The following KIF21B variants were observed in gnomAD, a reference collection of about 807,000 sequenced individuals.
KIF21B encodes kinesin family member 21B.
KIF21B carries 85 observed loss-of-function variants against 192.9 expected under a neutral mutation model. The ratio of observed to expected loss-of-function variants is 0.44; its 90% CI spans 0.37 to 0.53. KIF21B has a LOEUF of 0.53. Among genes scored for constraint, KIF21B ranks in the 20% least tolerant of loss-of-function variants. KIF21B has a pLI of 0.00. For synonymous variants in KIF21B, 832 were observed against 884.6 expected (o/e 0.94, Z 1.05); for missense variants, 1,716 against 2,194.8 (o/e 0.78, Z 4.36).
At chr1:201,021,489 C>T (rs114156979) in intron 1 of KIF21B, among the ~76,000 whole-genome samples, 6,237 of 152,304 alleles carry the variant, frequency 0.041, 218 homozygotes, top group Non-Finnish European at 0.065. Flanking sequence ...TGACTGGGAA[C>T]CAGAGATGAC....
At chr1:200,977,922 C>T (rs912884842) in intron 30 of KIF21B, among the ~76,000 whole-genome samples, 9 of 151,054 alleles carry the variant, frequency 6.0e-5, no homozygotes, top group African/African-American at 2.2e-4. Context: ...TTAGTAGAGA[C>T]GGGGTTTCTT....
chr1:200,980,547 C>G (rs1373537997), intron 29 of KIF21B, among the ~76,000 whole-genome samples: 1 of 152,208 alleles, frequency 6.6e-6, no homozygotes, highest in African/African-American at 2.4e-5. Context: ...CCACTGTGCC[C>G]AGCCTATCTG....
In KIF21B at chr1:201,007,865, C is replaced by T. The variant is rs552828921; in HGVS notation, c.447+904G>A. 3.4e-3 allele frequency among the ~76,000 whole-genome samples: 514 copies of T among 152,294 alleles called. 3 individuals are homozygous for T. Among genetic ancestry groups the T allele is most frequent in the African/African-American group, 0.011 (477 of 41,556 alleles). On this transcript the variant is annotated intron_variant, in intron 3 of 34. Transcript: ENST00000461742. ...CATACAGACAGATGACACACACACACAGATACAAACACACAGTCATACACA... is the reference window on the plus strand; with the variant it reads ...CATACAGACAGATGACACACACACATAGATACAAACACACAGTCATACACA...
intron 1 of KIF21B, among the ~76,000 whole-genome samples, chr1:201,011,361 G>A (rs932728998): frequency 6.6e-6 from 1 of 152,244 alleles, no homozygotes; most frequent in Non-Finnish European, 1.5e-5. Context: ...GGGAGGTGAC[G>A]ATTATGACCC....
chr1:201,010,244 C>T (rs567986529), intron 1 of KIF21B, among the ~76,000 whole-genome samples: 5 of 152,250 alleles, frequency 3.3e-5, no homozygotes, highest in African/African-American at 1.2e-4. Flanking sequence ...GGAGGGCAGA[C>T]CTGCATAGCT....
At chr1:201,007,709 C>T (rs530139301) in intron 3 of KIF21B, among the ~76,000 whole-genome samples, 9 of 151,322 alleles carry the variant, frequency 5.9e-5, no homozygotes, top group Middle Eastern at 3.4e-3. Context: ...CAGATGCGCA[C>T]ACAGACACAT....
At chr1:201,019,549 C>G (rs969397416) in intron 1 of KIF21B, among the ~76,000 whole-genome samples, 18 of 152,172 alleles carry the variant, frequency 1.2e-4, no homozygotes, top group Non-Finnish European at 2.2e-4. Context: ...TGGCCCAGGC[C>G]TGGGCCCCGC....
chr1:201,004,984 C>A, intron 5 of KIF21B, 51 bp from the exon 6 acceptor site: 1 of 1,563,976 alleles, frequency 6.4e-7, no homozygotes, highest in South Asian at 1.2e-5. Context: ...ACCTCACTGG[C>A]TCCCCTGATC....
At chr1:200,992,500 G>A in intron 15 of KIF21B, 111 bp from the exon 16 acceptor site, 1 of 1,077,784 alleles carries the variant, frequency 9.3e-7, no homozygotes, top group Non-Finnish European at 1.4e-6. Flanking sequence ...TGGCTAGCCA[G>A]GCAACACTGG....
At chr1:200,974,119 C>G in intron 34 of KIF21B, 2 of 1,607,274 alleles carry the variant, frequency 1.2e-6, no homozygotes, top group Non-Finnish European at 1.7e-6. Context: ...TGGCGCGGCC[C>G]TTTATGGCCA....
Position 201,004,402 on chromosome 1 carries a change from C to T in KIF21B, c.954G>A (p.Val318=). 1 of 1,582,882 alleles carries T rather than the reference C, an allele frequency of 6.3e-7. No homozygotes were observed. The change falls in exon 7 of 35, where the codon GTG becomes GTA. Residue 318 remains valine, a synonymous_variant. Transcript: ENST00000461742. The part of the protein sequence containing the change: ...SALGDQSKKV[V]HVPYRDSKLT... ...GCTTGGAGTCCCTGTAGGGAACGTG[C>T]ACCACCTTCTTGCTCTGGTCCCCTA...
At chr1:201,003,536 G>T in intron 8 of KIF21B, 50 bp downstream of exon 8, 1 of 1,587,330 alleles carries the variant, frequency 6.3e-7, no homozygotes, top group South Asian at 1.1e-5. Flanking sequence ...GGTGCATATG[G>T]AGCACTAGCT....
intron 27 of KIF21B, among the ~76,000 whole-genome samples, chr1:200,983,337 G>A (rs983257982): frequency 3.3e-5 from 5 of 152,126 alleles, no homozygotes; most frequent in Admixed American, 6.5e-5. Context: ...AGGGAGGAGC[G>A]AGGAGGGGGC....
In KIF21B at chr1:200,998,912, G is replaced by C. The variant is rs972542834; in HGVS notation, c.1886-337C>G. 2.0e-5 allele frequency among the ~76,000 whole-genome samples: 3 copies of C among 152,182 alleles called. No homozygotes were observed. The highest frequency in any genetic ancestry group is 2.0e-4 in the Admixed American group (3 of 15,282). On this transcript the variant is annotated intron_variant, in intron 13 of 34. Coordinates refer to ENST00000461742, the MANE Select transcript of KIF21B (RefSeq NM_001252102.2). The surrounding 1 kb of genome is among the most constrained non-coding windows in gnomAD (Gnocchi z 4.3). ...GTGAGATGGCTGAGAGCAACTTACA[G>C]GGCTAGGGCCAGGGCTGGCAGCAGG... is the stretch of plus-strand genomic sequence containing the variant.
Position 201,000,672 on chromosome 1 carries a change from C to T in KIF21B, c.1466+45G>A. 1 of 1,613,672 alleles carries T rather than the reference C, an allele frequency of 6.2e-7. No individual in the cohort carries two copies. The highest frequency in any genetic ancestry group is 8.5e-7 in the Non-Finnish European group (1 of 1,179,782). On this transcript the variant is annotated intron_variant, in intron 10 of 34. Transcript: ENST00000461742. This position sits in a 1 kb window ranked among gnomAD's most constrained non-coding sequence, Gnocchi z 6.0. Reference sequence around the variant, plus strand: ...GCCACAGCCCTTGGCGTCACCTGGCCGAGGCCCCCAGCCCGCGCACACCTG... The same window carrying T: ...GCCACAGCCCTTGGCGTCACCTGGCTGAGGCCCCCAGCCCGCGCACACCTG...
In KIF21B at chr1:200,976,862, T is replaced by C. The variant is rs773873351; in HGVS notation, c.4357A>G (p.Ile1453Val). 5 of 1,612,662 alleles carry C rather than the reference T, an allele frequency of 3.1e-6. No individual in the cohort carries two copies. The highest frequency in any genetic ancestry group is 2.2e-5 in the East Asian group (1 of 44,834). Reference protein sequence around the residue: ...FQPVGKLTGHIGPVMCLTVTQ... With the variant: ...FQPVGKLTGHVGPVMCLTVTQ... ...ACCGTCAGGCACATCACAGGGCCGA[T>C]GTGGCCAGTCAGCTTGCCGACAGGC... The change falls in exon 32 of 35, where the codon ATC becomes GTC. Residue 1453 changes from isoleucine to valine, a missense_variant. This residue lies in a region of KIF21B where 580 missense variants were observed against 775.5 expected (regional missense o/e 0.75). Transcript: ENST00000461742.
intron 1 of KIF21B, among the ~76,000 whole-genome samples, chr1:201,019,785 C>A (rs1304613848): frequency 6.6e-6 from 1 of 152,096 alleles, no homozygotes; most frequent in African/African-American, 2.4e-5. Context: ...AAACTGGACA[C>A]AGGTGGCATT....
intron 1 of KIF21B, among the ~76,000 whole-genome samples, chr1:201,013,719 T>TGAG (rs1409225202): frequency 9.2e-5 from 14 of 152,256 alleles, no homozygotes; most frequent in African/African-American, 3.4e-4. Context: ...AGGACTAGGG[T>TGAG]GAGGCATTGA....
chr1:200,986,375 T>TG (rs397939949), intron 26 of KIF21B, among the ~76,000 whole-genome samples: 3 of 151,360 alleles, frequency 2.0e-5, no homozygotes, highest in African/African-American at 7.3e-5. Flanking sequence ...TTTTTTTTTT[T>TG]GAGACAGAGT....
Sources: gnomAD v4.1 joint callset for allele counts (sites outside exome capture counted in the v4.1 genomes callset) on GRCh38, gnomAD v4.1.1 for gene constraint, gnomAD v4.1.1 regional missense constraint, Gnocchi (gnomAD v3.1) non-coding constraint, MANE v1.5 for transcripts, NCBI Gene and HGNC (gene_info 2026-07-23, HGNC 2026-07-21) for gene names.